RALYL: variants seen among roughly 807,000 people sequenced by gnomAD.
RALYL encodes the protein RALY RNA binding protein like, also known as RNA-binding Raly-like protein.
A neutral mutation model predicts 35.1 loss-of-function variants in RALYL; 29 were observed. That is an observed-to-expected ratio of 0.83 (90% CI 0.61 to 1.13). The LOEUF (loss-of-function observed/expected upper bound fraction) is 1.13, where lower values mean the gene tolerates loss of function less well. RALYL is among the 50% of genes most tolerant of loss of function. RALYL has a pLI of 0.00. For synonymous variants in RALYL, 120 were observed against 127.6 expected (o/e 0.94, Z 0.40); for missense variants, 359 against 360.4 (o/e 1.00, Z 0.03).
chr8:84,606,361 T>C (rs1817145823), intron 2 of RALYL, among the ~76,000 whole-genome samples: 1 of 152,300 alleles, frequency 6.6e-6, no homozygotes, highest in Non-Finnish European at 1.5e-5. Context: ...TGGTCACTAC[T>C]GACCTTGAGC....
intron 1 of RALYL, among the ~76,000 whole-genome samples, chr8:84,236,526 T>C (rs1453908835): frequency 6.6e-6 from 1 of 152,138 alleles, no homozygotes; most frequent in Non-Finnish European, 1.5e-5. Context: ...TGTATAATGA[T>C]CCTGGCCAAG....
intron 1 of RALYL, among the ~76,000 whole-genome samples, chr8:84,303,266 T>A (rs549877699): frequency 7.2e-5 from 11 of 152,310 alleles, no homozygotes; most frequent in African/African-American, 2.6e-4. Flanking sequence ...AATTATGTAT[T>A]TCGGTGAGTT....
intron 1 of RALYL, among the ~76,000 whole-genome samples, chr8:84,332,570 C>G (rs1322391274): frequency 1.3e-5 from 2 of 152,044 alleles, no homozygotes; most frequent in Non-Finnish European, 2.9e-5. Flanking sequence ...AATGAAGGAA[C>G]AAGGTAATAA....
intron 2 of RALYL, among the ~76,000 whole-genome samples, chr8:84,737,085 CTCTA>C (rs890889837): frequency 2.0e-5 from 3 of 152,026 alleles, no homozygotes; most frequent in Non-Finnish European, 4.4e-5. Flanking sequence ...AGTCAAACAA[CTCTA>C]TCTATTAAGA....
At chr8:84,507,690 CAT>C (rs1169712489) in intron 1 of RALYL, among the ~76,000 whole-genome samples, 2 of 152,252 alleles carry the variant, frequency 1.3e-5, no homozygotes, top group East Asian at 3.9e-4. Flanking sequence ...AGGCAGAGCA[CAT>C]GTTTGGCACT....
At chr8:84,260,058 A>T (rs898722578) in intron 1 of RALYL, among the ~76,000 whole-genome samples, 1 of 152,170 alleles carries the variant, frequency 6.6e-6, no homozygotes, top group African/African-American at 2.4e-5. Context: ...CTGGTCTGGC[A>T]GCTATACAAG....
intron 2 of RALYL, among the ~76,000 whole-genome samples, chr8:84,615,365 A>T (rs895477222): frequency 6.6e-6 from 1 of 150,472 alleles, no homozygotes. Flanking sequence ...GAACGTCCTT[A>T]TGCGTAGCAT....
At chr8:84,771,983 AT>A (rs1296018939) in intron 2 of RALYL, among the ~76,000 whole-genome samples, 1 of 151,846 alleles carries the variant, frequency 6.6e-6, no homozygotes, top group Non-Finnish European at 1.5e-5. Context: ...AACATTTTAT[AT>A]TTTTTCCTTT....
chr8:84,808,936 T>A (rs1249201512), intron 4 of RALYL, among the ~76,000 whole-genome samples: 2 of 152,154 alleles, frequency 1.3e-5, no homozygotes, highest in Non-Finnish European at 2.9e-5. Context: ...AGGAAAACAA[T>A]CATATTGTTA....
At chr8:84,599,909 G>A (rs1417045085) in intron 2 of RALYL, among the ~76,000 whole-genome samples, 2 of 150,828 alleles carry the variant, frequency 1.3e-5, no homozygotes, top group African/African-American at 4.9e-5. Context: ...GGGGTTAGCA[G>A]GAGGTGTTTT....
intron 1 of RALYL, among the ~76,000 whole-genome samples, chr8:84,455,079 C>G (rs1029781147): frequency 5.3e-5 from 8 of 151,928 alleles, no homozygotes; most frequent in Admixed American, 1.3e-4. Context: ...TAAAAATGAG[C>G]CAGGCGCTGC....
At chr8:84,442,757 A>G (rs961768434) in intron 1 of RALYL, among the ~76,000 whole-genome samples, 1 of 152,128 alleles carries the variant, frequency 6.6e-6, no homozygotes, top group African/African-American at 2.4e-5. Flanking sequence ...CAAAGCAGGG[A>G]ATAACAGAAA....
intron 8 of RALYL, among the ~76,000 whole-genome samples, chr8:84,910,247 T>C (rs779314659): frequency 4.6e-5 from 7 of 152,154 alleles, no homozygotes; most frequent in Non-Finnish European, 1.0e-4. Flanking sequence ...ATGGTTCTAT[T>C]TGTACTGCCA....
At chr8:84,269,148 A>G (rs1833848370) in intron 1 of RALYL, among the ~76,000 whole-genome samples, 1 of 152,196 alleles carries the variant, frequency 6.6e-6, no homozygotes. Flanking sequence ...TTTCAAGAGC[A>G]ATACCTCTTA....
intron 2 of RALYL, among the ~76,000 whole-genome samples, chr8:84,633,640 G>A (rs1166526695): frequency 6.6e-6 from 1 of 151,806 alleles, no homozygotes; most frequent in Admixed American, 6.6e-5. Flanking sequence ...GAGGCTATGA[G>A]TCAATACTAA....
intron 4 of RALYL, among the ~76,000 whole-genome samples, chr8:84,818,685 C>T (rs890232540): frequency 6.6e-6 from 1 of 152,192 alleles, no homozygotes; most frequent in Admixed American, 6.5e-5. Flanking sequence ...TGTATACCTG[C>T]TTGGCTGTTT....
chr8:84,748,619 TATC>T (rs1809214981), intron 2 of RALYL, among the ~76,000 whole-genome samples: 1 of 152,128 alleles, frequency 6.6e-6, no homozygotes, highest in African/African-American at 2.4e-5. Context: ...TTTCTTATGT[TATC>T]ATGCTACCTG....
At chr8:84,275,269 A>G (rs973876985) in intron 1 of RALYL, among the ~76,000 whole-genome samples, 1 of 152,108 alleles carries the variant, frequency 6.6e-6, no homozygotes, top group African/African-American at 2.4e-5. Flanking sequence ...TATTTTGTGC[A>G]TGTATATTAA....
chr8:84,863,951 C>A (rs765112504), intron 6 of RALYL, among the ~76,000 whole-genome samples: 4 of 152,118 alleles, frequency 2.6e-5, no homozygotes, highest in African/African-American at 4.8e-5. Context: ...GTGGAGTATA[C>A]ACAAGTTTCT....
Sources: gnomAD v4.1 joint callset for allele counts (sites outside exome capture counted in the v4.1 genomes callset) on GRCh38, gnomAD v4.1.1 for gene constraint, MANE v1.5 for transcripts, NCBI Gene and HGNC (gene_info 2026-07-23, HGNC 2026-07-21) for gene names.